Variants in PARD3B observed in about 807,000 individuals in gnomAD.
PARD3B encodes partitioning defective 3 homolog B.
A neutral mutation model predicts 130.2 loss-of-function variants in PARD3B; 103 were observed. That is an observed-to-expected ratio of 0.79 (90% CI 0.67 to 0.93). PARD3B has a LOEUF of 0.93. Among genes scored for constraint, PARD3B ranks in the 40% least tolerant of loss-of-function variants. The pLI is 0.00. For synonymous variants in PARD3B, 583 were observed against 553.2 expected (o/e 1.05, Z -0.76); for missense variants, 1,609 against 1,499.2 (o/e 1.07, Z -1.21).
intron 3 of PARD3B, among the ~76,000 whole-genome samples, chr2:204,986,101 CAA>C (rs371839271): frequency 3.7e-4 from 19 of 51,252 alleles, no homozygotes; most frequent in African/African-American, 1.0e-3. Context: ...ACTCTGTCTC[CAA>C]AAAAAAAAAA....
At chr2:204,781,862 G>A (rs538046510) in intron 2 of PARD3B, among the ~76,000 whole-genome samples, 46 of 152,094 alleles carry the variant, frequency 3.0e-4, no homozygotes, top group African/African-American at 1.1e-3. Flanking sequence ...TTAACCGGCT[G>A]TTTATTTGTT....
intron 18 of PARD3B, among the ~76,000 whole-genome samples, chr2:205,387,629 C>G (rs752821852): frequency 1.3e-5 from 2 of 152,142 alleles, no homozygotes; most frequent in South Asian, 4.2e-4. Flanking sequence ...AAATAACCTT[C>G]CAAAATGAAA....
At chr2:205,553,685 T>C (rs2052750866) in intron 22 of PARD3B, among the ~76,000 whole-genome samples, 2 of 152,152 alleles carry the variant, frequency 1.3e-5, no homozygotes, top group South Asian at 4.1e-4. Flanking sequence ...ATAAAACTGG[T>C]ATCGAACATC....
intron 21 of PARD3B, among the ~76,000 whole-genome samples, chr2:205,543,585 A>C (rs1041210982): frequency 7.9e-5 from 12 of 152,182 alleles, no homozygotes; most frequent in Non-Finnish European, 1.5e-4. Flanking sequence ...TCGGGGGAGA[A>C]ATGTTGCTTT....
intron 2 of PARD3B, among the ~76,000 whole-genome samples, chr2:204,714,901 A>G (rs545487838): frequency 2.4e-4 from 36 of 152,294 alleles, no homozygotes; most frequent in Admixed American, 1.2e-3. Flanking sequence ...AAGCTATACA[A>G]CAGAAATGAT....
At chr2:205,150,831 G>C (rs551898561) in intron 10 of PARD3B, among the ~76,000 whole-genome samples, 1 of 152,288 alleles carries the variant, frequency 6.6e-6, no homozygotes, top group Admixed American at 6.5e-5. Flanking sequence ...GAGTAGAATG[G>C]TGGTTACAGG....
intron 2 of PARD3B, among the ~76,000 whole-genome samples, chr2:204,715,475 G>A (rs920573332): frequency 2.0e-5 from 3 of 150,294 alleles, no homozygotes; most frequent in African/African-American, 7.4e-5. Context: ...TAAAGCAGAT[G>A]CTGTTTTTCT....
chr2:204,764,682 T>C (rs2125415104), intron 2 of PARD3B, among the ~76,000 whole-genome samples: 1 of 151,048 alleles, frequency 6.6e-6, no homozygotes, highest in South Asian at 2.1e-4. Flanking sequence ...GCAAGTTGGC[T>C]ACCTGACCAG....
At chr2:205,559,674 C>G (rs1308940169) in intron 22 of PARD3B, among the ~76,000 whole-genome samples, 1 of 149,512 alleles carries the variant, frequency 6.7e-6, no homozygotes, top group Non-Finnish European at 1.5e-5. Flanking sequence ...TCTCGGCTCA[C>G]CGCAACTTCC....
At chr2:205,152,415 T>G (rs2033822657) in intron 10 of PARD3B, among the ~76,000 whole-genome samples, 1 of 152,206 alleles carries the variant, frequency 6.6e-6, no homozygotes, top group South Asian at 2.1e-4. Flanking sequence ...ACAGAGTTGG[T>G]CTTTTCACAT....
At chr2:204,656,547 G>A (rs1177061797) in intron 1 of PARD3B, among the ~76,000 whole-genome samples, 1 of 152,084 alleles carries the variant, frequency 6.6e-6, no homozygotes, top group Admixed American at 6.6e-5. Flanking sequence ...GAAACACCTA[G>A]AAATGTTGAG....
Position 204,728,539 on chromosome 2 carries a change from T to C in PARD3B, c.222+42257T>C, listed in dbSNP as rs1489684211. ...AGGTGGAGATTTGTTGGAATGAGAT[T>C]GATCCTATAATGGATTCATTACATG... On this transcript the variant is annotated intron_variant, in intron 2 of 22. Transcript: ENST00000406610. 2.6e-5 allele frequency among the ~76,000 whole-genome samples: 4 copies of C among 152,298 alleles called. No individual in the cohort carries two copies. In the East Asian group the frequency reaches 5.8e-4, roughly 22 times the overall value.
chr2:204,743,905 T>G (rs2125369576), intron 2 of PARD3B, among the ~76,000 whole-genome samples: 1 of 152,242 alleles, frequency 6.6e-6, no homozygotes, highest in South Asian at 2.1e-4. Flanking sequence ...GAGAAGTATT[T>G]TGGCTCTTTG....
rs1218935025 is a variant in PARD3B, at chr2:204,602,948, T to C, written c.120+56829T>C. ...AATTGTTTCCTTAGCAGATACTCAATGAATGCTTTGAATCAAGCTGTAGAA... is the reference window on the plus strand; with the variant it reads ...AATTGTTTCCTTAGCAGATACTCAACGAATGCTTTGAATCAAGCTGTAGAA... On this transcript the variant is annotated intron_variant, in intron 1 of 22. Transcript: ENST00000406610. Among the ~76,000 whole-genome samples, 3 of 152,114 alleles carry C rather than the reference T, an allele frequency of 2.0e-5. No individual in the cohort carries two copies. In the East Asian group the frequency reaches 5.8e-4, roughly 29 times the overall value.
rs538263629 is a variant in PARD3B at position 205,450,931 on chromosome 2, T to A, written c.3044+10259T>A. Among the ~76,000 whole-genome samples, 10 of 152,320 alleles carry A rather than the reference T, an allele frequency of 6.6e-5. No homozygotes were observed. The South Asian group carries it at 2.1e-3, about 32-fold the overall frequency. ...GGAACTGAGGCAATATCCTACCATG[T>A]CACTTGATTGTCCATTTGGTTCTGA... On this transcript the variant is annotated intron_variant, in intron 20 of 22. Coordinates refer to ENST00000406610, the MANE Select transcript of PARD3B (RefSeq NM_001302769.2).
rs144536024 is a variant in PARD3B at position 204,940,404 on chromosome 2, C to G, written c.223-24748C>G. Among the ~76,000 whole-genome samples the G allele has an allele frequency of 6.9e-4, 105 of 151,884 alleles. 1 individual carries two copies. In the East Asian group the frequency reaches 0.019, roughly 27 times the overall value. On this transcript the variant is annotated intron_variant, in intron 2 of 22. Coordinates refer to ENST00000406610, the MANE Select transcript of PARD3B (RefSeq NM_001302769.2). ...CTGGGAGCGAACTGGAGTCTCCAGC[C>G]TCCAGCATTGACAGGTAAGTGACTG...
chr2:204,578,053 C>G (rs964414402), intron 1 of PARD3B, among the ~76,000 whole-genome samples: 1 of 152,196 alleles, frequency 6.6e-6, no homozygotes, highest in Non-Finnish European at 1.5e-5. Context: ...CGCTAAACAT[C>G]TTACAACGTA....
At position 205,351,094 on chromosome 2, in the gene PARD3B, T is replaced by G. The variant is rs572667260; in HGVS notation, c.2630+49393T>G. Among the ~76,000 whole-genome samples the G allele has an allele frequency of 1.3e-5, 2 of 152,322 alleles. No homozygotes were observed. Among genetic ancestry groups the G allele is most frequent in the East Asian group, 3.9e-4 (2 of 5,182 alleles). On this transcript the variant is annotated intron_variant, in intron 18 of 22. Transcript: ENST00000406610. This position sits in a 1 kb window ranked among gnomAD's most constrained non-coding sequence, Gnocchi z 4.2. Reference sequence around the variant, plus strand: ...GTTTTCTCTTCAAATTAAGTGAAATTCTCTTGATATTTTTTCAAAAGGTGA... The same window carrying G: ...GTTTTCTCTTCAAATTAAGTGAAATGCTCTTGATATTTTTTCAAAAGGTGA...
At chr2:205,169,961 G>A (rs1388815453) in intron 11 of PARD3B, among the ~76,000 whole-genome samples, 6 of 137,814 alleles carry the variant, frequency 4.4e-5, no homozygotes, top group African/African-American at 1.4e-4. Context: ...ATGGAGTTTC[G>A]CTATTGTTGC....
Sources: gnomAD v4.1 joint callset for allele counts (sites outside exome capture counted in the v4.1 genomes callset) on GRCh38, gnomAD v4.1.1 for gene constraint, Gnocchi (gnomAD v3.1) non-coding constraint, MANE v1.5 for transcripts, NCBI Gene and HGNC (gene_info 2026-07-23, HGNC 2026-07-21) for gene names.